Variants in SEMA3C observed in about 807,000 individuals in gnomAD.
SEMA3C encodes semaphorin 3C.
In SEMA3C, 47 loss-of-function variants were observed where a neutral mutation model predicts 89.4. The observed-to-expected ratio is 0.53, with a 90% CI of 0.42 to 0.67. The LOEUF (loss-of-function observed/expected upper bound fraction) is 0.67. Ranked by LOEUF, SEMA3C falls within the 30% of genes least tolerant of loss-of-function variation. The probability of loss-of-function intolerance (pLI) is 0.00; values close to 1 mark genes in which losing one functional copy is unlikely to be tolerated. For synonymous variants in SEMA3C, 310 were observed against 320.2 expected (o/e 0.97, Z 0.34); for missense variants, 839 against 929.1 (o/e 0.90, Z 1.26).
chr7:80,827,071 G>A (rs554952708), intron 4 of SEMA3C, among the ~76,000 whole-genome samples: 1 of 152,158 alleles, frequency 6.6e-6, no homozygotes, highest in Non-Finnish European at 1.5e-5. Flanking sequence ...AAAGCCCACA[G>A]GGTATCTGGG....
At chr7:80,839,479 G>C (rs574259492) in intron 2 of SEMA3C, among the ~76,000 whole-genome samples, 1 of 152,102 alleles carries the variant, frequency 6.6e-6, no homozygotes, top group Non-Finnish European at 1.5e-5. Flanking sequence ...CTGGAGCTCA[G>C]GGTAAATAAG....
intron 12 of SEMA3C, among the ~76,000 whole-genome samples, chr7:80,769,864 C>T (rs113126352): frequency 4.3e-5 from 2 of 46,660 alleles, no homozygotes; most frequent in Non-Finnish European, 7.4e-5. Context: ...GTCCCCCCCC[C>T]AAAAAAAAAA....
intron 4 of SEMA3C, among the ~76,000 whole-genome samples, chr7:80,823,296 C>T (rs1034486384): frequency 2.0e-5 from 3 of 152,108 alleles, no homozygotes; most frequent in Non-Finnish European, 4.4e-5. Context: ...TACGGATTAG[C>T]ACATTTCACA....
chr7:80,766,260 C>T lies in SEMA3C; in HGVS notation c.1355-1017G>A, dbSNP rs186296439. On this transcript the variant is annotated intron_variant, in intron 12 of 17. Transcript: ENST00000265361. ...GAATAGGTGAGCAGAGTCCCCCACC[C>T]CCAACCAGTAATGTCAGGCGACCAA... 5.9e-5 allele frequency among the ~76,000 whole-genome samples: 9 copies of T among 152,306 alleles called. No individual in the cohort carries two copies. In the East Asian group the frequency reaches 1.2e-3, roughly 20 times the overall value.
intron 2 of SEMA3C, among the ~76,000 whole-genome samples, chr7:80,914,852 T>C (rs149267248): frequency 6.6e-6 from 1 of 152,340 alleles, no homozygotes; most frequent in East Asian, 1.9e-4. Flanking sequence ...TTCTAGTCAC[T>C]GTATAGCATA....
intron 13 of SEMA3C, 108 bp downstream of exon 13, chr7:80,765,043 ACATT>A (rs1359169105): frequency 3.0e-6 from 2 of 662,090 alleles, no homozygotes; most frequent in East Asian, 5.9e-5. Context: ...AAAATTCATA[ACATT>A]CATTTATTTG....
intron 2 of SEMA3C, among the ~76,000 whole-genome samples, chr7:80,855,791 T>C (rs1333952481): frequency 2.0e-5 from 3 of 152,156 alleles, no homozygotes. Context: ...ATAATTTGCC[T>C]TCTTTGAAAT....
chr7:80,789,263 C>A (rs764203253), intron 12 of SEMA3C, 43 bp downstream of exon 12: 6 of 1,507,376 alleles, frequency 4.0e-6, no homozygotes, highest in Admixed American at 1.8e-5. Context: ...TTAGTACATT[C>A]TTTTACTACA....
At chr7:80,807,136 A>G (rs897253362) in intron 6 of SEMA3C, among the ~76,000 whole-genome samples, 2 of 152,116 alleles carry the variant, frequency 1.3e-5, no homozygotes. Flanking sequence ...GCTTATATAC[A>G]CACAGATCTA....
chr7:80,910,201 C>T (rs552688483), intron 2 of SEMA3C, among the ~76,000 whole-genome samples: 1 of 152,128 alleles, frequency 6.6e-6, no homozygotes, highest in Middle Eastern at 3.4e-3. Flanking sequence ...AGCCTCCATG[C>T]CAATTTACTT....
intron 2 of SEMA3C, among the ~76,000 whole-genome samples, chr7:80,894,851 G>T (rs983910556): frequency 2.0e-5 from 3 of 151,972 alleles, no homozygotes; most frequent in Non-Finnish European, 4.4e-5. Flanking sequence ...AGTGATGATG[G>T]GGGAACACCA....
At chr7:80,884,450 AT>A (rs199874857) in intron 2 of SEMA3C, among the ~76,000 whole-genome samples, 3 of 152,144 alleles carry the variant, frequency 2.0e-5, no homozygotes, top group African/African-American at 7.2e-5. Context: ...AATATATCCG[AT>A]TTTTTTAAAA....
chr7:80,778,046 C>T (rs1296779553), intron 12 of SEMA3C, among the ~76,000 whole-genome samples: 2 of 152,006 alleles, frequency 1.3e-5, no homozygotes, highest in African/African-American at 4.8e-5. Flanking sequence ...GTTCTAGAAG[C>T]AAATTTTCTC....
chr7:80,840,292 G>A (rs1790232230), intron 2 of SEMA3C, among the ~76,000 whole-genome samples: 3 of 151,952 alleles, frequency 2.0e-5, no homozygotes, highest in Non-Finnish European at 4.4e-5. Flanking sequence ...GGCAATAGCG[G>A]GTGAATCACT....
At chr7:80,852,567 A>C (rs1398161349) in intron 2 of SEMA3C, among the ~76,000 whole-genome samples, 1 of 152,196 alleles carries the variant, frequency 6.6e-6, no homozygotes, top group Non-Finnish European at 1.5e-5. Flanking sequence ...AAATATTTGC[A>C]GACTATACAC....
intron 5 of SEMA3C, among the ~76,000 whole-genome samples, chr7:80,814,892 A>G (rs1027146014): frequency 6.6e-6 from 1 of 152,112 alleles, no homozygotes; most frequent in African/African-American, 2.4e-5. Flanking sequence ...GTGGTCTTCT[A>G]TGTCAACTCT....
chr7:80,907,353 T>C (rs930186269), intron 2 of SEMA3C, among the ~76,000 whole-genome samples: 2 of 151,994 alleles, frequency 1.3e-5, no homozygotes, highest in Non-Finnish European at 2.9e-5. Flanking sequence ...GAAAATAACA[T>C]CTTAATTGGT....
intron 2 of SEMA3C, among the ~76,000 whole-genome samples, chr7:80,884,204 T>C (rs1313879243): frequency 6.6e-6 from 1 of 152,174 alleles, no homozygotes; most frequent in Non-Finnish European, 1.5e-5. Flanking sequence ...TACAATCAAC[T>C]TGTTTCTCCT....
intron 12 of SEMA3C, among the ~76,000 whole-genome samples, chr7:80,769,581 G>A (rs1036404080): frequency 6.6e-5 from 10 of 152,060 alleles, no homozygotes; most frequent in Admixed American, 5.9e-4. Context: ...AATGCAGGCC[G>A]GGCACAGTGG....
Sources: allele counts gnomAD v4.1 joint callset (sites outside exome capture counted in the v4.1 genomes callset), GRCh38; gene constraint gnomAD v4.1.1; transcripts MANE v1.5; gene names NCBI Gene and HGNC (gene_info 2026-07-23, HGNC 2026-07-21).